The following MEF2A variants were observed in gnomAD, a reference collection of about 807,000 sequenced individuals.
The protein encoded by MEF2A is myocyte-specific enhancer factor 2A.
A neutral mutation model predicts 55.8 loss-of-function variants in MEF2A; 28 were observed. That is an observed-to-expected ratio of 0.50 (90% confidence interval 0.37 to 0.69). MEF2A has a LOEUF of 0.69. Ranked by LOEUF, MEF2A falls within the 30% of genes least tolerant of loss-of-function variation. MEF2A has a pLI of 0.00. For missense variants in MEF2A, 528 were observed against 626.2 expected (o/e 0.84, Z 1.67); for synonymous variants, 239 against 227.1 (o/e 1.05, Z -0.47).
chr15:99,652,398 C>T (rs748237525), intron 4 of MEF2A, among the ~76,000 whole-genome samples: 5 of 152,150 alleles, frequency 3.3e-5, no homozygotes, highest in Non-Finnish European at 5.9e-5. Context: ...GCTCACTTGC[C>T]CACCACTTAC....
At chr15:99,583,885 A>G (rs1966621473) in intron 1 of MEF2A, among the ~76,000 whole-genome samples, 3 of 152,118 alleles carry the variant, frequency 2.0e-5, no homozygotes, top group Non-Finnish European at 4.4e-5. Flanking sequence ...GAAATGCATC[A>G]TTAGCCAATT....
rs185504538 is a variant in MEF2A at position 99,691,706 on chromosome 15, A to G, written c.858+1278A>G. ...GAGCAAGACTCTGTCTCAAGAAAAA[A>G]AAAAGAAAAAATTCTGCATACCACA... On this transcript the variant is annotated intron_variant, in intron 8 of 11. Coordinates refer to ENST00000557942, the MANE Select transcript of MEF2A (RefSeq NM_001319206.4). 1.1e-4 allele frequency among the ~76,000 whole-genome samples: 16 copies of G among 152,346 alleles called. No individual in the cohort carries two copies. In the South Asian group the frequency reaches 2.7e-3, roughly 26 times the overall value.
intron 2 of MEF2A, among the ~76,000 whole-genome samples, chr15:99,623,965 C>T (rs933930485): frequency 1.3e-5 from 2 of 151,968 alleles, no homozygotes; most frequent in Admixed American, 1.3e-4. Context: ...GCACCACCAA[C>T]CCGGCTAATT....
intron 4 of MEF2A, among the ~76,000 whole-genome samples, chr15:99,650,641 A>G (rs111657605): frequency 0.012 from 1,802 of 152,346 alleles, 36 homozygotes; most frequent in African/African-American, 0.04. Flanking sequence ...TTCAAATTAC[A>G]AAAGAATTTG....
chr15:99,604,473 T>G (rs1974359761), intron 2 of MEF2A, among the ~76,000 whole-genome samples: 3 of 152,176 alleles, frequency 2.0e-5, no homozygotes, highest in Admixed American at 2.0e-4. Flanking sequence ...TCTGGAAGTT[T>G]TATTTCTTCC....
chr15:99,578,581 G>T (rs1412269096), intron 1 of MEF2A, among the ~76,000 whole-genome samples: 4 of 152,208 alleles, frequency 2.6e-5, no homozygotes, highest in East Asian at 1.9e-4. Flanking sequence ...TACTAGGACT[G>T]CCGCTCATTG....
chr15:99,601,935 CT>C (rs2153080773), intron 2 of MEF2A, among the ~76,000 whole-genome samples: 1 of 150,902 alleles, frequency 6.6e-6, no homozygotes, highest in East Asian at 1.9e-4. Flanking sequence ...GTTATTTCTT[CT>C]TTAGGTGTTT....
intron 1 of MEF2A, among the ~76,000 whole-genome samples, chr15:99,580,122 C>T (rs2152838043): frequency 6.6e-6 from 1 of 152,188 alleles, no homozygotes; most frequent in South Asian, 2.1e-4. Context: ...CCTTAGGTCC[C>T]ATTGCTAGCC....
At chr15:99,650,003 C>T (rs1396155685) in intron 4 of MEF2A, among the ~76,000 whole-genome samples, 2 of 152,044 alleles carry the variant, frequency 1.3e-5, no homozygotes, top group African/African-American at 4.8e-5. Context: ...GATTATTGTG[C>T]TGTCATTTAA....
chr15:99,568,672 A>G (rs1319450642), intron 1 of MEF2A, among the ~76,000 whole-genome samples: 1 of 152,236 alleles, frequency 6.6e-6, no homozygotes, highest in Non-Finnish European at 1.5e-5. Context: ...ACTGAAAAAT[A>G]GCATGCTTGT....
At position 99,701,252 on chromosome 15, in the gene MEF2A, C is replaced by T. The variant is rs138659321; in HGVS notation, c.859-2110C>T. Among the ~76,000 whole-genome samples the T allele has an allele frequency of 5.5e-4, 84 of 152,328 alleles. 2 individuals carry two copies. The highest frequency in any genetic ancestry group is 1.9e-3 in the African/African-American group (80 of 41,556). ...AGACAACATGTGCCTTCCAATATGA[C>T]ATGCTAAGAAAGCCATGTCTCTTTG... On this transcript the variant is annotated intron_variant, in intron 8 of 11. Coordinates refer to ENST00000557942, the MANE Select transcript of MEF2A (RefSeq NM_001319206.4).
chr15:99,606,671 A>C (rs1217268626), intron 2 of MEF2A, among the ~76,000 whole-genome samples: 2 of 152,220 alleles, frequency 1.3e-5, no homozygotes, highest in Admixed American at 1.3e-4. Context: ...ATTAAAAAAA[A>C]CTAGGCTCCA....
chr15:99,699,311 A>C (rs1360850972), intron 8 of MEF2A, among the ~76,000 whole-genome samples: 1 of 152,234 alleles, frequency 6.6e-6, no homozygotes, highest in African/African-American at 2.4e-5. Flanking sequence ...AATTTTGCTA[A>C]GTAAAAGAAG....
At chr15:99,662,923 T>C (rs879365608) in intron 4 of MEF2A, among the ~76,000 whole-genome samples, 2 of 152,226 alleles carry the variant, frequency 1.3e-5, no homozygotes, top group Non-Finnish European at 2.9e-5. Context: ...TTTTGTGGGT[T>C]TATTTAATTG....
At chr15:99,618,700 C>T (rs561415740) in intron 2 of MEF2A, among the ~76,000 whole-genome samples, 2 of 152,076 alleles carry the variant, frequency 1.3e-5, no homozygotes, top group Admixed American at 6.5e-5. Context: ...TAAACATATC[C>T]ATGAGAGTGA....
In MEF2A at chr15:99,678,568, G is replaced by A. The variant is rs111699120; in HGVS notation, c.670+3110G>A. Reference sequence around the variant, plus strand: ...TTTCAAATACGTAATTTGTTTATAGGCGAGTCTTCCATTTGCCTTGTTCGT... The same window carrying A: ...TTTCAAATACGTAATTTGTTTATAGACGAGTCTTCCATTTGCCTTGTTCGT... On this transcript the variant is annotated intron_variant, in intron 7 of 11. Coordinates refer to ENST00000557942, the MANE Select transcript of MEF2A (RefSeq NM_001319206.4). 51 of 697,540 alleles carry A rather than the reference G, an allele frequency of 7.3e-5. 1 individual carries two copies. In the African/African-American group the frequency reaches 7.8e-4, roughly 11 times the overall value. The allele number at this position is 697,540 out of a possible 1,614,324, so 43.2% of individuals were successfully genotyped here. A position where few individuals can be genotyped will look rare whatever the true frequency, so the allele number is the denominator to read the frequency against.
chr15:99,614,905 G>A (rs2039932738), intron 2 of MEF2A, among the ~76,000 whole-genome samples: 1 of 152,156 alleles, frequency 6.6e-6, no homozygotes, highest in Admixed American at 6.6e-5. Flanking sequence ...ATGGAATGAG[G>A]AGTTCCATGA....
intron 2 of MEF2A, among the ~76,000 whole-genome samples, chr15:99,617,861 A>G (rs572803971): frequency 6.6e-6 from 1 of 152,264 alleles, no homozygotes; most frequent in Admixed American, 6.5e-5. Flanking sequence ...AATTGTTTCT[A>G]ATGATTCTAG....
In MEF2A at chr15:99,712,224, C is replaced by A. The variant is rs1157990901; in HGVS notation, c.1137-166C>A. Among the ~76,000 whole-genome samples, 1 of 152,142 alleles carries A rather than the reference C, an allele frequency of 6.6e-6. No individual in the cohort carries two copies. The highest frequency in any genetic ancestry group is 1.5e-5 in the Non-Finnish European group (1 of 68,032). On this transcript the variant is annotated intron_variant, in intron 11 of 11. Coordinates refer to ENST00000557942, the MANE Select transcript of MEF2A (RefSeq NM_001319206.4). This position sits in a 1 kb window ranked among gnomAD's most constrained non-coding sequence, Gnocchi z 4.1. ...CTTTCCTCCTAGGAAGATGGGATTT[C>A]CTTTTGTGCCAAGCACTGAAGGAAA...
Sources: gnomAD v4.1 joint callset for allele counts (sites outside exome capture counted in the v4.1 genomes callset) on GRCh38, gnomAD v4.1.1 for gene constraint, Gnocchi (gnomAD v3.1) non-coding constraint, MANE v1.5 for transcripts, NCBI Gene and HGNC (gene_info 2026-07-23, HGNC 2026-07-21) for gene names.